Variants in ZSCAN25 observed in about 807,000 individuals in gnomAD.
The protein encoded by ZSCAN25 is zinc finger and SCAN domain-containing protein 25.
A neutral mutation model predicts 38.7 loss-of-function variants in ZSCAN25; 27 were observed. The observed-to-expected ratio is 0.70, with a 90% CI of 0.51 to 0.96. ZSCAN25 has a LOEUF of 0.96. Ranked by LOEUF, ZSCAN25 falls within the 40% of genes least tolerant of loss-of-function variation. The pLI is 0.00. For synonymous variants in ZSCAN25, 273 were observed against 277.7 expected (o/e 0.98, Z 0.17); for missense variants, 637 against 705.9 (o/e 0.90, Z 1.11).
the ZSCAN25 span, among the ~76,000 whole-genome samples, chr7:99,690,945 A>G: frequency 2.0e-5 from 3 of 152,244 alleles, no homozygotes; most frequent in Admixed American, 6.5e-5. Flanking sequence ...ATTACTGGGT[A>G]TATACCCAAA....
chr7:99,624,361 A>G, intron 7 of ZSCAN25, 181 bp downstream of exon 7: 1 of 669,712 alleles, frequency 1.5e-6, no homozygotes, highest in Admixed American at 2.9e-5. Flanking sequence ...GAGGAGCCAA[A>G]TGATGGAGCA....
the ZSCAN25 span, chr7:99,659,671 A>G: frequency 6.6e-6 from 1 of 152,632 alleles, no homozygotes; most frequent in Admixed American, 6.5e-5. Context: ...CTGCCCCTAG[A>G]GGTGGAGTCT....
chr7:99,671,870 T>C, the ZSCAN25 span: 6 of 702,670 alleles, frequency 8.5e-6, no homozygotes, highest in Non-Finnish European at 1.6e-5. Context: ...TGCTGGTCGT[T>C]GCACAAATCT....
At chr7:99,684,823 A>C in the ZSCAN25 span, 1 of 181,564 alleles carries the variant, frequency 5.5e-6, no homozygotes, top group East Asian at 1.4e-4. Flanking sequence ...ATTATTGAGA[A>C]ATTTTGATTC....
chr7:99,642,795 T>C, the ZSCAN25 span, among the ~76,000 whole-genome samples: 1 of 152,200 alleles, frequency 6.6e-6, no homozygotes, highest in Non-Finnish European at 1.5e-5. Flanking sequence ...AGTAGAAACT[T>C]TGCTTTTTTT....
the ZSCAN25 span, among the ~76,000 whole-genome samples, chr7:99,661,959 C>G: frequency 6.6e-6 from 1 of 152,116 alleles, no homozygotes; most frequent in Admixed American, 6.5e-5. Context: ...TACTCAATAG[C>G]CATATGTGTC....
the ZSCAN25 span, among the ~76,000 whole-genome samples, chr7:99,689,209 A>G: frequency 1.3e-5 from 2 of 152,242 alleles, no homozygotes; most frequent in Non-Finnish European, 2.9e-5. Flanking sequence ...AACCCTTCAA[A>G]AAATTAATGA....
At chr7:99,715,774 T>A in the ZSCAN25 span, 1 of 1,613,842 alleles carries the variant, frequency 6.2e-7, no homozygotes, top group South Asian at 1.1e-5. Flanking sequence ...AGAGAACGAA[T>A]GGATCTAATG....
chr7:99,695,753 T>C, the ZSCAN25 span: 1 of 1,613,368 alleles, frequency 6.2e-7, no homozygotes, highest in Admixed American at 1.7e-5. Flanking sequence ...CACCTGATGG[T>C]AGGACAAAGT....
chr7:99,711,437 A>G, the ZSCAN25 span, among the ~76,000 whole-genome samples: 896 of 152,300 alleles, frequency 5.9e-3, 24 homozygotes, highest in Admixed American at 0.054. Flanking sequence ...TTGCTACTCA[A>G]AGTGTGGTCC....
intron 7 of ZSCAN25, among the ~76,000 whole-genome samples, chr7:99,625,291 T>C (rs1190903954): frequency 6.6e-6 from 1 of 152,142 alleles, no homozygotes; most frequent in East Asian, 1.9e-4. Context: ...GTGCTGTAAG[T>C]ATTACTAAGG....
the ZSCAN25 span, chr7:99,720,404 T>C: frequency 6.8e-6 from 11 of 1,613,616 alleles, no homozygotes; most frequent in Non-Finnish European, 9.3e-6. Context: ...CTGTTGACAG[T>C]CATAAATACT....
chr7:99,676,687 C>T, the ZSCAN25 span: 4 of 592,782 alleles, frequency 6.7e-6, no homozygotes, highest in South Asian at 1.4e-5. Context: ...TGACACTGCC[C>T]TTACAATTTG....
chr7:99,685,309 A>G, the ZSCAN25 span: 1 of 1,575,202 alleles, frequency 6.3e-7, no homozygotes, highest in East Asian at 2.2e-5. Context: ...CAAAGTAAAC[A>G]AAAAATGTAT....
At chr7:99,662,191 T>C in the ZSCAN25 span, among the ~76,000 whole-genome samples, 2 of 152,140 alleles carry the variant, frequency 1.3e-5, no homozygotes, top group African/African-American at 4.8e-5. This position sits in a 1 kb window ranked among gnomAD's most constrained non-coding sequence, Gnocchi z 4.3. Flanking sequence ...ATTCAAAAAT[T>C]TTGTGAGATG....
chr7:99,643,790 A>C, the ZSCAN25 span, among the ~76,000 whole-genome samples: 1 of 151,412 alleles, frequency 6.6e-6, no homozygotes, highest in South Asian at 2.1e-4. Context: ...TCAGCCCCAC[A>C]TCTGAGTTGA....
chr7:99,710,249 C>G, the ZSCAN25 span, among the ~76,000 whole-genome samples: 1 of 152,152 alleles, frequency 6.6e-6, no homozygotes, highest in Non-Finnish European at 1.5e-5. Context: ...GAGTTTAGCT[C>G]AGAAGTCAGA....
chr7:99,677,290 T>G, the ZSCAN25 span: 3 of 978,114 alleles, frequency 3.1e-6, no homozygotes, highest in Non-Finnish European at 3.6e-6. Context: ...CTGATTCAGC[T>G]GTGAAGCTGC....
the ZSCAN25 span, chr7:99,722,463 G>T: frequency 7.6e-7 from 1 of 1,318,344 alleles, no homozygotes; most frequent in Non-Finnish European, 1.1e-6. Context: ...GGCAGTTAGA[G>T]GAAGCTTATT....
Sources: allele counts gnomAD v4.1 joint callset (sites outside exome capture counted in the v4.1 genomes callset), GRCh38; gene constraint gnomAD v4.1.1; non-coding constraint Gnocchi (gnomAD v3.1); transcripts MANE v1.5; gene names NCBI Gene and HGNC (gene_info 2026-07-23, HGNC 2026-07-21).